Variants in HAUS6 observed in about 807,000 individuals in gnomAD.
HAUS6 encodes HAUS augmin-like complex subunit 6.
A neutral mutation model predicts 106.8 loss-of-function variants in HAUS6; 80 were observed. The ratio of observed to expected loss-of-function variants is 0.75; its 90% CI spans 0.63 to 0.90. The LOEUF (loss-of-function observed/expected upper bound fraction) is 0.90, where lower values mean the gene tolerates loss of function less well. Among genes scored for constraint, HAUS6 ranks in the 40% least tolerant of loss-of-function variants. HAUS6 has a pLI of 0.00. For missense variants in HAUS6, 1,155 were observed against 1,118.1 expected, an observed-to-expected ratio of 1.03 and a Z score of -0.47; for synonymous variants, 356 against 379.1, an observed-to-expected ratio of 0.94 and a Z score of 0.71.
Position 19,063,198 on chromosome 9 carries a change from A to G in HAUS6, c.1444-5T>C, listed in dbSNP as rs960456873. ...GGGAGTTCCCATCTTTGTGTCCTGA[A>G]GAAGACAGATATGTAATGTTAAACC... is the stretch of plus-strand genomic sequence containing the variant. On this transcript the variant is annotated splice_region_variant and splice_polypyrimidine_tract_variant and intron_variant, in intron 13 of 16. Coordinates refer to ENST00000380502, the MANE Select transcript of HAUS6 (RefSeq NM_017645.5). 2 of 1,578,880 alleles carry G rather than the reference A, an allele frequency of 1.3e-6. No homozygotes were observed. The highest frequency in any genetic ancestry group is 2.2e-5 in the East Asian group (1 of 44,722).
At chr9:19,093,454 C>G in intron 3 of HAUS6, 151 bp from the exon 4 acceptor site, 1 of 699,156 alleles carries the variant, frequency 1.4e-6, no homozygotes, top group South Asian at 1.8e-5. Context: ...CGTGGGGTTC[C>G]CTAGGACCTC....
chr9:19,089,265 A>G, intron 5 of HAUS6, 147 bp downstream of exon 5: 1 of 609,866 alleles, frequency 1.6e-6, no homozygotes, highest in Non-Finnish European at 2.8e-6. Context: ...AGGGAAAAAA[A>G]AAAAGAAGAA....
chr9:19,089,474 G>T lies in HAUS6; in HGVS notation c.522C>A (p.Ser174Arg), dbSNP rs1817699598. The change falls in exon 5 of 17, where the codon AGC becomes AGA. Residue 174 changes from serine (S) to arginine (R), a missense_variant. Physicochemically the swap from Ser to Arg is moderately radical, Grantham distance 110 (BLOSUM62 -1). This residue lies in a region of HAUS6 where 761 missense variants were observed against 690.0 expected (regional missense o/e 1.10). Transcript: ENST00000380502. Reference sequence around the variant, plus strand: ...GTCTTTGCAAAATTTGTAAAAATCTGCTACGTGCGAAATGGCATCTGGCAA... The same window carrying T: ...GTCTTTGCAAAATTTGTAAAAATCTTCTACGTGCGAAATGGCATCTGGCAA... ...KCIARCHFAR[S>R]RFLQILQRQD... The T allele has an allele frequency of 6.2e-7, 1 of 1,611,674 alleles. No homozygotes were observed. Among genetic ancestry groups the T allele is most frequent in the South Asian group, 1.1e-5 (1 of 91,028 alleles).
chr9:19,084,929 CT>C (rs567667069), intron 7 of HAUS6, among the ~76,000 whole-genome samples: 31 of 149,124 alleles, frequency 2.1e-4, no homozygotes, highest in Admixed American at 8.0e-4. Context: ...ACCCCCGCCT[CT>C]TTTTTTTTTC....
At chr9:19,060,287 C>A in intron 14 of HAUS6, 64 bp from the exon 15 acceptor site, 2 of 1,295,770 alleles carry the variant, frequency 1.5e-6, no homozygotes, top group South Asian at 3.3e-5. Flanking sequence ...GCAACAAAAC[C>A]CCTGATAAGG....
intron 1 of HAUS6, among the ~76,000 whole-genome samples, chr9:19,101,449 C>A (rs558311151): frequency 6.6e-6 from 1 of 152,204 alleles, no homozygotes; most frequent in East Asian, 1.9e-4. Context: ...TGTGATCGCA[C>A]AACTGCACTC....
rs1329234418 is a variant in HAUS6, at chr9:19,060,226, A to G, written c.1630-3T>C. ...TCAGATAAAACTGCTCTGGCAACCT[A>G]AAACAGAAAAGAAAAAGTAAAGCAA... On this transcript the variant is annotated splice_region_variant and splice_polypyrimidine_tract_variant and intron_variant, in intron 14 of 16. Transcript: ENST00000380502. The G allele has an allele frequency of 2.6e-6, 4 of 1,523,694 alleles. No homozygotes were observed. Among genetic ancestry groups the G allele is most frequent in the Non-Finnish European group, 3.5e-6 (4 of 1,140,152 alleles). The allele number at this position is 1,523,694 out of a possible 1,614,324, so 94.4% of individuals were successfully genotyped here.
At chr9:19,079,393 G>A (rs897286067) in intron 9 of HAUS6, among the ~76,000 whole-genome samples, 2 of 151,150 alleles carry the variant, frequency 1.3e-5, no homozygotes, top group Non-Finnish European at 1.5e-5. Context: ...CACCACGCCT[G>A]GCTAATTGTG....
chr9:19,062,921 C>G (rs1441490637), intron 14 of HAUS6, 87 bp downstream of exon 14: 1 of 1,010,826 alleles, frequency 9.9e-7, no homozygotes, highest in African/African-American at 1.6e-5. Flanking sequence ...TTGCCGAAAC[C>G]TCCCCAAGTG....
At position 19,080,518 on chromosome 9, in the gene HAUS6, T is replaced by G. The variant is rs766151985; in HGVS notation, c.1025A>C (p.Lys342Thr). 7 of 1,608,972 alleles carry G rather than the reference T, an allele frequency of 4.4e-6. No homozygotes were observed. The South Asian group carries it at 6.6e-5, about 15-fold the overall frequency. The change falls in exon 9 of 17, where the codon AAA becomes ACA. Residue 342 changes from lysine to threonine, a missense_variant. Transcript: ENST00000380502. ...ATCTGATAATCTTTCCTTCTGAAATTTGGTCTCTTTTTCAAGGTAGTGAAG... is the reference window on the plus strand; with the variant it reads ...ATCTGATAATCTTTCCTTCTGAAATGTGGTCTCTTTTTCAAGGTAGTGAAG... The part of the protein sequence containing the change: ...VDLHYLEKET[K>T]FQKERLSDLK...
intron 11 of HAUS6, among the ~76,000 whole-genome samples, chr9:19,075,000 C>A (rs1425923819): frequency 2.0e-5 from 3 of 152,104 alleles, no homozygotes; most frequent in African/African-American, 7.2e-5. Context: ...TGTCCATCAA[C>A]AGATGAATGG....
In HAUS6 at chr9:19,087,091, T is replaced by A. The variant is rs775698192; in HGVS notation, c.650A>T (p.Lys217Ile). The A allele has an allele frequency of 1.2e-5, 17 of 1,428,586 alleles. No individual in the cohort carries two copies. The highest frequency in any genetic ancestry group is 1.7e-5 in the Non-Finnish European group (17 of 1,011,314). The allele number at this position is 1,428,586 out of a possible 1,614,324, so 88.5% of individuals were successfully genotyped here. The change falls in exon 6 of 17, where the codon AAA becomes ATA. Residue 217 changes from lysine (K) to isoleucine (I), a missense_variant and splice_region_variant. By Grantham distance (102) the Lys-to-Ile change is moderately radical. This residue lies in a region of HAUS6 where 761 missense variants were observed against 690.0 expected (regional missense o/e 1.10). Coordinates refer to ENST00000380502, the MANE Select transcript of HAUS6 (RefSeq NM_017645.5). ...ACTTCTAGCTCTAAAAGTCACTTAC[T>A]TCTTTATTTGGTTTTCCAATCCTAT... ...ECIGLENQIK[K>I]MEPYDDHSNM... is the part of the protein sequence containing the mutation.
intron 14 of HAUS6, 150 bp downstream of exon 14, chr9:19,062,858 G>A (rs974514318): frequency 1.5e-6 from 1 of 660,058 alleles, no homozygotes; most frequent in Non-Finnish European, 2.6e-6. Flanking sequence ...GTAGAGATGG[G>A]TTTCGCCATG....
Position 19,083,010 on chromosome 9 carries a change from G to C in HAUS6, c.733C>G (p.Leu245Val), listed in dbSNP as rs1837197451. ...RSLWASVNETLMFLEKEREVV... is the reference protein window; with the variant it reads ...RSLWASVNETVMFLEKEREVV... Reference sequence around the variant, plus strand: ...TCTCTCTCTTTTTCCAAAAACATGAGCGTTTCATTCACTGAAGCCCACAAA... The same window carrying C: ...TCTCTCTCTTTTTCCAAAAACATGACCGTTTCATTCACTGAAGCCCACAAA... Residue 245 changes from leucine (L) to valine (V), a missense_variant, in exon 8 of 17, where the codon CTC (leucine) becomes GTC (valine). By Grantham distance (32) the Leu-to-Val change is conservative. Transcript: ENST00000380502. The C allele has an allele frequency of 6.3e-7, 1 of 1,589,588 alleles. No homozygotes were observed.
chr9:19,077,351 G>A (rs58750930), intron 10 of HAUS6, among the ~76,000 whole-genome samples: 4 of 152,118 alleles, frequency 2.6e-5, no homozygotes, highest in East Asian at 1.9e-4. Context: ...CCTGGCCAAC[G>A]TGGTAAAACC....
intron 12 of HAUS6, among the ~76,000 whole-genome samples, chr9:19,066,619 A>C (rs948418198): frequency 6.6e-6 from 1 of 152,136 alleles, no homozygotes; most frequent in Admixed American, 6.6e-5. Flanking sequence ...AAGAATGCTA[A>C]TGCTCACAGT....
intron 7 of HAUS6, among the ~76,000 whole-genome samples, chr9:19,085,696 T>G (rs1055024848): frequency 6.6e-6 from 1 of 152,090 alleles, no homozygotes; most frequent in Non-Finnish European, 1.5e-5. Flanking sequence ...TCATTTTCAT[T>G]TGTCAGAATC....
At chr9:19,093,669 G>C in intron 3 of HAUS6, among the ~76,000 whole-genome samples, 1 of 152,258 alleles carries the variant, frequency 6.6e-6, no homozygotes, top group Non-Finnish European at 1.5e-5. Context: ...AGGAGTTCAA[G>C]ACCAGCCTGG....
intron 1 of HAUS6, among the ~76,000 whole-genome samples, chr9:19,099,115 C>T (rs376756391): frequency 6.7e-6 from 1 of 149,050 alleles, no homozygotes; most frequent in South Asian, 2.1e-4. Flanking sequence ...AGAACGTATA[C>T]GTATAAAATG....
Sources: gnomAD v4.1 joint callset for allele counts (sites outside exome capture counted in the v4.1 genomes callset) on GRCh38, gnomAD v4.1.1 for gene constraint, gnomAD v4.1.1 regional missense constraint, MANE v1.5 for transcripts, NCBI Gene and HGNC (gene_info 2026-07-23, HGNC 2026-07-21) for gene names.